CACNB4: variants seen among roughly 807,000 people sequenced by gnomAD.
The protein encoded by CACNB4 is calcium voltage-gated channel auxiliary subunit beta 4, also known as voltage-dependent L-type calcium channel subunit beta-4.
A neutral mutation model predicts 71.2 loss-of-function variants in CACNB4; 32 were observed. That is an observed-to-expected ratio of 0.45 (90% CI 0.34 to 0.60). CACNB4 has a LOEUF of 0.60. Ranked by LOEUF, CACNB4 falls within the 20% of genes least tolerant of loss-of-function variation. The pLI is 0.01. For missense variants in CACNB4, 464 were observed against 647.9 expected (o/e 0.72, Z 3.08); for synonymous variants, 231 against 236.9 (o/e 0.97, Z 0.23).
chr2:151,884,380 T>C (rs1026057155), intron 2 of CACNB4, among the ~76,000 whole-genome samples: 4 of 150,060 alleles, frequency 2.7e-5, no homozygotes, highest in African/African-American at 4.9e-5. Context: ...TCTCAGCACT[T>C]TGGGAGGCCG....
chr2:151,879,351 C>T (rs1170414690), intron 4 of CACNB4, among the ~76,000 whole-genome samples: 1 of 152,142 alleles, frequency 6.6e-6, no homozygotes, highest in Non-Finnish European at 1.5e-5. Context: ...TTTTGAGTTA[C>T]TAGGGAGAAA....
chr2:151,863,108 C>T (rs1395016441), intron 9 of CACNB4, among the ~76,000 whole-genome samples: 1 of 151,680 alleles, frequency 6.6e-6, no homozygotes, highest in African/African-American at 2.4e-5. Context: ...CTCTGTCACC[C>T]AGGCTGGAGT....
At chr2:152,001,174 A>G (rs1256012897) in intron 2 of CACNB4, among the ~76,000 whole-genome samples, 6 of 152,122 alleles carry the variant, frequency 3.9e-5, no homozygotes, top group Non-Finnish European at 7.4e-5. Context: ...GGAGGTCGGG[A>G]TCAGAGCACA....
chr2:151,855,865 T>G (rs2099840162), intron 10 of CACNB4, among the ~76,000 whole-genome samples: 1 of 152,202 alleles, frequency 6.6e-6, no homozygotes, highest in Non-Finnish European at 1.5e-5. Context: ...CTGTTTTGAC[T>G]GATATGCATA....
chr2:151,920,318 C>CTTTT (rs10574154), intron 2 of CACNB4, among the ~76,000 whole-genome samples: 17 of 66,104 alleles, frequency 2.6e-4, no homozygotes, highest in Admixed American at 5.2e-4. Context: ...TCTTCTTCTT[C>CTTTT]TTTTTTTTTT....
At chr2:152,058,327 G>A (rs916683959) in intron 2 of CACNB4, among the ~76,000 whole-genome samples, 3 of 152,240 alleles carry the variant, frequency 2.0e-5, no homozygotes, top group Non-Finnish European at 2.9e-5. Flanking sequence ...CTTTGGAACT[G>A]GGTAATGGGC....
intron 2 of CACNB4, among the ~76,000 whole-genome samples, chr2:151,885,587 T>C (rs2099849157): frequency 6.6e-6 from 1 of 152,246 alleles, no homozygotes; most frequent in Non-Finnish European, 1.5e-5. Flanking sequence ...TCAATGATTA[T>C]ATATGCACAA....
At chr2:151,906,888 A>G (rs2176739) in intron 2 of CACNB4, among the ~76,000 whole-genome samples, 145,296 of 152,256 alleles carry the variant, frequency 0.95, 69,699 homozygotes, top group East Asian at 1. Flanking sequence ...AGGCGGAGGC[A>G]TGTCACCTTT....
At chr2:152,006,546 G>A (rs1682740958) in intron 2 of CACNB4, among the ~76,000 whole-genome samples, 1 of 151,932 alleles carries the variant, frequency 6.6e-6, no homozygotes, top group South Asian at 2.1e-4. Flanking sequence ...GACTACAGGT[G>A]TGAGCCACCA....
intron 2 of CACNB4, among the ~76,000 whole-genome samples, chr2:151,919,743 T>C (rs549352529): frequency 7.2e-5 from 11 of 152,256 alleles, no homozygotes; most frequent in East Asian, 5.8e-4. Flanking sequence ...CATTCCTCCA[T>C]GTACACTTTT....
At chr2:151,840,553 G>C (rs1446180507) in intron 13 of CACNB4, among the ~76,000 whole-genome samples, 1 of 152,142 alleles carries the variant, frequency 6.6e-6, no homozygotes. Flanking sequence ...TGTACACTCA[G>C]ATCAGCCCAT....
intron 2 of CACNB4, among the ~76,000 whole-genome samples, chr2:152,029,493 CAAA>C (rs4036226): frequency 0.3 from 31,607 of 106,956 alleles, 5,444 homozygotes; most frequent in African/African-American, 0.52. Flanking sequence ...GACTCGATCT[CAAA>C]AAAAAAAAAA....
chr2:152,005,003 T>C (rs989570411), intron 2 of CACNB4, among the ~76,000 whole-genome samples: 4 of 152,100 alleles, frequency 2.6e-5, no homozygotes, highest in African/African-American at 9.7e-5. Flanking sequence ...ATTGCTATTA[T>C]TAAAAAGTCA....
At chr2:151,890,076 G>A (rs369359007) in intron 2 of CACNB4, among the ~76,000 whole-genome samples, 8 of 152,080 alleles carry the variant, frequency 5.3e-5, no homozygotes, top group East Asian at 1.9e-4. Flanking sequence ...AATCCAGAGC[G>A]CTTGATAAGT....
rs529448007 is a variant in CACNB4 at position 151,998,299 on chromosome 2, T to C, written c.147+100031A>G. Among the ~76,000 whole-genome samples the C allele has an allele frequency of 2.3e-5, 3 of 131,228 alleles. No homozygotes were observed. In the East Asian group the frequency reaches 7.4e-4, roughly 32 times the overall value. 86.1% of individuals were successfully genotyped at this position (131,228 alleles called of 152,430 possible). On this transcript the variant is annotated intron_variant, in intron 2 of 13. Coordinates refer to ENST00000539935, the MANE Select transcript of CACNB4 (RefSeq NM_000726.5). Reference sequence around the variant, plus strand: ...GAGATGGTGCCACTGCAATCCAGCCTGGGCAACTCCATCTCCAAAAAAAAA... The same window carrying C: ...GAGATGGTGCCACTGCAATCCAGCCCGGGCAACTCCATCTCCAAAAAAAAA...
intron 4 of CACNB4, among the ~76,000 whole-genome samples, chr2:151,878,186 A>G (rs1273493242): frequency 6.6e-6 from 1 of 151,052 alleles, no homozygotes; most frequent in Non-Finnish European, 1.5e-5. Flanking sequence ...AGCGAAATTT[A>G]TATATATGTC....
At chr2:152,022,328 T>C (rs1338935589) in intron 2 of CACNB4, among the ~76,000 whole-genome samples, 1 of 152,134 alleles carries the variant, frequency 6.6e-6, no homozygotes, top group African/African-American at 2.4e-5. Flanking sequence ...CAAGGAGAAG[T>C]GGTGGAGGGA....
At chr2:151,862,494 T>C (rs958475784) in intron 9 of CACNB4, among the ~76,000 whole-genome samples, 3 of 152,120 alleles carry the variant, frequency 2.0e-5, no homozygotes, top group Admixed American at 1.3e-4. Flanking sequence ...ATCTTCAAAA[T>C]TGTCTCCCGC....
At chr2:152,070,036 G>C (rs1015620514) in intron 2 of CACNB4, among the ~76,000 whole-genome samples, 3 of 151,738 alleles carry the variant, frequency 2.0e-5, no homozygotes, top group East Asian at 3.9e-4. Context: ...TTAGAGACAG[G>C]GTTTCACCGT....
Sources: allele counts gnomAD v4.1 joint callset (sites outside exome capture counted in the v4.1 genomes callset), GRCh38; gene constraint gnomAD v4.1.1; transcripts MANE v1.5; gene names NCBI Gene and HGNC (gene_info 2026-07-23, HGNC 2026-07-21).